The following RYK variants were observed in gnomAD, a reference collection of about 807,000 sequenced individuals.
The protein encoded by RYK is inactive tyrosine-protein kinase RYK.
A neutral mutation model predicts 70.2 loss-of-function variants in RYK; 21 were observed. That is an observed-to-expected ratio of 0.30 (90% CI 0.21 to 0.43). The LOEUF is 0.43. RYK is among the 20% of genes least tolerant of loss of function. The probability of loss-of-function intolerance (pLI) is 1.00; values close to 1 mark genes in which losing one functional copy is unlikely to be tolerated. For missense variants in RYK, 604 were observed against 753.3 expected, an observed-to-expected ratio of 0.80 and a Z score of 2.32; for synonymous variants, 267 against 278.0, an observed-to-expected ratio of 0.96 and a Z score of 0.39.
At chr3:134,218,130 A>G (rs2014616067) in intron 2 of RYK, among the ~76,000 whole-genome samples, 1 of 152,212 alleles carries the variant, frequency 6.6e-6, no homozygotes, top group Admixed American at 6.5e-5. Flanking sequence ...TATGAGTAAA[A>G]TATCTGAAAA....
chr3:134,159,090 GTTT>G, intron 14 of RYK, 144 bp downstream of exon 14: 1 of 868,312 alleles, frequency 1.2e-6, no homozygotes, highest in East Asian at 2.7e-5. Flanking sequence ...TGACTTTGTG[GTTT>G]TTTATAAGAG....
chr3:134,218,820 C>A (rs1052962421), intron 2 of RYK, among the ~76,000 whole-genome samples: 2 of 152,060 alleles, frequency 1.3e-5, no homozygotes, highest in Non-Finnish European at 1.5e-5. Context: ...CAGCAAGAAA[C>A]AATGAAGGCC....
At chr3:134,247,780 T>G (rs915210899) in intron 1 of RYK, among the ~76,000 whole-genome samples, 1 of 152,174 alleles carries the variant, frequency 6.6e-6, no homozygotes, top group African/African-American at 2.4e-5. Flanking sequence ...TATTCTCATA[T>G]CAAGGGTAAT....
At chr3:134,184,464 T>C (rs2013398390) in intron 9 of RYK, among the ~76,000 whole-genome samples, 1 of 152,110 alleles carries the variant, frequency 6.6e-6, no homozygotes, top group East Asian at 1.9e-4. Context: ...ATTTCTATTA[T>C]AAAATTGAAA....
Position 134,202,838 on chromosome 3 carries a change from C to G in RYK, c.680G>C (p.Arg227Pro). 6.2e-7 allele frequency: 1 copy of G among 1,613,584 alleles called. No individual in the cohort carries two copies. Among genetic ancestry groups the G allele is most frequent in the Non-Finnish European group, 8.5e-7 (1 of 1,179,694 alleles). The part of the protein sequence containing the change: ...PVHAAPTTST[R>P]VFYISVGVCC... Reference sequence around the variant, plus strand: ...AACCCCTACACTAATATAAAACACACGCGTAGAAGTGGTTGGAGCTGCATG... The same window carrying G: ...AACCCCTACACTAATATAAAACACAGGCGTAGAAGTGGTTGGAGCTGCATG... Residue 227 changes from arginine to proline, a missense_variant, in exon 6 of 15, where the codon CGT (arginine) becomes CCT (proline). Physicochemically the swap from Arg to Pro is moderately radical, Grantham distance 103 (BLOSUM62 -2). Around this residue, in one of 2 missense-constraint regions of RYK, gnomAD observed 466 missense variants for 535.9 expected, o/e 0.87. Coordinates refer to ENST00000623711, the MANE Select transcript of RYK (RefSeq NM_002958.4).
chr3:134,205,678 C>T (rs2014193205), intron 5 of RYK, among the ~76,000 whole-genome samples: 1 of 152,178 alleles, frequency 6.6e-6, no homozygotes, highest in Non-Finnish European at 1.5e-5. Context: ...CATTTGCCAC[C>T]ATCTGGTCAC....
chr3:134,237,514 T>C (rs760175730), intron 1 of RYK, among the ~76,000 whole-genome samples: 1 of 152,066 alleles, frequency 6.6e-6, no homozygotes, highest in South Asian at 2.1e-4. Context: ...TTAAAGAAAA[T>C]GATACTTTAA....
At chr3:134,221,150 C>T (rs957391365) in intron 2 of RYK, among the ~76,000 whole-genome samples, 1 of 147,260 alleles carries the variant, frequency 6.8e-6, no homozygotes, top group Non-Finnish European at 1.5e-5. Flanking sequence ...AAACTATAAA[C>T]AATTACTTCT....
chr3:134,241,889 G>A (rs1157220832), intron 1 of RYK, among the ~76,000 whole-genome samples: 1 of 152,036 alleles, frequency 6.6e-6, no homozygotes, highest in Non-Finnish European at 1.5e-5. Flanking sequence ...TGATAAAAGA[G>A]AACATATGTA....
chr3:134,250,638 C>G lies in RYK; in HGVS notation c.17G>C (p.Arg6Pro). Residue 6 changes from arginine to proline, a missense_variant, in exon 1 of 15, where the codon CGG becomes CCG. By Grantham distance (103) the Arg-to-Pro change is moderately radical (BLOSUM62 -2). Transcript: ENST00000623711. ...GCAACTCCGGCCCGGCCGCCCCAGC[C>G]GCGCCGCCCCACGCATGGCCGCCGC... MRGAARLGRPGRSCLP... is the reference protein window; with the variant it reads MRGAAPLGRPGRSCLP... 1.0e-6 allele frequency: 1 copy of G among 985,842 alleles called. No homozygotes were observed. The highest frequency in any genetic ancestry group is 1.2e-6 in the Non-Finnish European group (1 of 831,368). 61.1% of individuals were successfully genotyped at this position (985,842 alleles called of 1,614,324 possible).
chr3:134,159,190 AT>A (rs762421063), intron 14 of RYK, 46 bp downstream of exon 14: 5 of 1,583,518 alleles, frequency 3.2e-6, no homozygotes, highest in Non-Finnish European at 4.3e-6. Context: ...TTATTCCAAT[AT>A]AGTAAATGGA....
At chr3:134,195,253 C>G in intron 6 of RYK, 71 bp from the exon 7 acceptor site, 1 of 1,039,664 alleles carries the variant, frequency 9.6e-7, no homozygotes, top group Non-Finnish European at 1.5e-6. Flanking sequence ...TCCATACATA[C>G]AAAATGCACA....
chr3:134,209,953 A>G, intron 3 of RYK, 124 bp from the exon 4 acceptor site: 1 of 759,006 alleles, frequency 1.3e-6, no homozygotes, highest in Non-Finnish European at 2.1e-6. Flanking sequence ...AAAGTAATAC[A>G]TTTAAATAAA....
chr3:134,202,976 T>G (rs2014073084), intron 5 of RYK, 102 bp from the exon 6 acceptor site: 1 of 893,442 alleles, frequency 1.1e-6, no homozygotes, highest in Admixed American at 2.9e-5. Flanking sequence ...ATGTGCCCAT[T>G]CTTTGTAAGA....
chr3:134,226,812 A>G (rs1024333621), intron 1 of RYK, among the ~76,000 whole-genome samples: 11 of 152,212 alleles, frequency 7.2e-5, no homozygotes, highest in African/African-American at 2.7e-4. Context: ...AAACTTTCTT[A>G]GTTTGGTAAA....
intron 9 of RYK, among the ~76,000 whole-genome samples, chr3:134,187,459 A>G (rs756682027): frequency 6.6e-6 from 1 of 152,180 alleles, no homozygotes; most frequent in Non-Finnish European, 1.5e-5. Flanking sequence ...TGTCTTCTCA[A>G]TTTACATCAG....
intron 1 of RYK, among the ~76,000 whole-genome samples, chr3:134,231,995 A>G (rs1239950992): frequency 6.6e-6 from 1 of 152,118 alleles, no homozygotes; most frequent in Non-Finnish European, 1.5e-5. Context: ...CCTCAACTCC[A>G]ACAATCTTCA....
At chr3:134,192,364 C>G (rs967032581) in intron 7 of RYK, among the ~76,000 whole-genome samples, 1 of 151,998 alleles carries the variant, frequency 6.6e-6, no homozygotes, top group East Asian at 1.9e-4. Flanking sequence ...AACACACCAA[C>G]TTTTCAAATG....
intron 2 of RYK, among the ~76,000 whole-genome samples, chr3:134,213,677 A>G (rs1172245100): frequency 6.6e-6 from 1 of 151,974 alleles, no homozygotes; most frequent in Non-Finnish European, 1.5e-5. Flanking sequence ...TCCCCTTCCT[A>G]TCATTCAGTT....
Sources: allele counts gnomAD v4.1 joint callset (sites outside exome capture counted in the v4.1 genomes callset), GRCh38; gene constraint gnomAD v4.1.1; regional missense constraint gnomAD v4.1.1; transcripts MANE v1.5; gene names NCBI Gene and HGNC (gene_info 2026-07-23, HGNC 2026-07-21).